Variants in GBF1 observed in about 807,000 individuals in gnomAD.
The protein encoded by GBF1 is Golgi-specific brefeldin A-resistance guanine nucleotide exchange factor 1.
A neutral mutation model predicts 210.5 loss-of-function variants in GBF1; 114 were observed. That is an observed-to-expected ratio of 0.54 (90% confidence interval 0.47 to 0.63). The LOEUF (loss-of-function observed/expected upper bound fraction) is 0.63. GBF1 is among the 30% of genes least tolerant of loss of function. The pLI is 0.00. For missense variants in GBF1, 1,851 were observed against 2,357.7 expected (o/e 0.79, Z 4.45); for synonymous variants, 850 against 889.2 (o/e 0.96, Z 0.78).
chr10:102,370,645 G>A, intron 28 of GBF1, 62 bp from the exon 29 acceptor site: 1 of 1,544,518 alleles, frequency 6.5e-7, no homozygotes, highest in South Asian at 1.1e-5. Flanking sequence ...AAAGGCCTAG[G>A]GGACCTGTTG....
intron 6 of GBF1, 89 bp downstream of exon 6, chr10:102,352,040 A>G (rs2059016645): frequency 2.6e-6 from 2 of 780,242 alleles, no homozygotes; most frequent in Non-Finnish European, 4.6e-6. Flanking sequence ...AGAGATGGAA[A>G]ATTCAGGACT....
At chr10:102,258,441 C>T (rs1282458619) in intron 1 of GBF1, among the ~76,000 whole-genome samples, 1 of 148,472 alleles carries the variant, frequency 6.7e-6, no homozygotes, top group Non-Finnish European at 1.5e-5. Context: ...CAGGCCTGAG[C>T]CACTGCACCT....
rs149000724 is a variant in GBF1, at chr10:102,285,901, T to A, written c.163+25785T>A. On this transcript the variant is annotated intron_variant, in intron 3 of 39. Transcript: ENST00000369983. The stretch of plus-strand genomic sequence containing the variant: ...AAAAAAATTATTTTGCTATTTAATG[T>A]GTTTGCTGTATCTCCTTGAAATATT... Among the ~76,000 whole-genome samples the A allele has an allele frequency of 2.7e-3, 407 of 152,282 alleles. 3 individuals are homozygous for A. Among genetic ancestry groups the A allele is most frequent in the Middle Eastern group, 0.017 (5 of 294 alleles).
chr10:102,378,046 C>T (rs1371381286), intron 33 of GBF1, among the ~76,000 whole-genome samples: 2 of 151,276 alleles, frequency 1.3e-5, no homozygotes, highest in Non-Finnish European at 1.5e-5. Context: ...GGTGAAACCC[C>T]GTCTCTACTA....
rs1207754778 is a variant in GBF1 at position 102,358,561 on chromosome 10, T to C, written c.843T>C (p.Ala281=). Reference sequence around the variant, plus strand: ...CCATCTCCTCTGCAAGTTCAGAAGCTGCCTCAGCAGTGGTCAGTCCCTCTA... The same window carrying C: ...CCATCTCCTCTGCAAGTTCAGAAGCCGCCTCAGCAGTGGTCAGTCCCTCTA... ...PTPISSASSE[A]ASAVVSPSTD... The change falls in exon 10 of 40, where the codon GCT becomes GCC. Residue 281 remains alanine (A), a synonymous_variant. Coordinates refer to ENST00000369983, the MANE Select transcript of GBF1 (RefSeq NM_001377137.1). 1 of 1,614,166 alleles carries C rather than the reference T, an allele frequency of 6.2e-7. No homozygotes were observed. Among genetic ancestry groups the C allele is most frequent in the African/African-American group, 1.3e-5 (1 of 75,066 alleles).
chr10:102,258,774 CAAAA>C (rs74634439), intron 1 of GBF1, among the ~76,000 whole-genome samples, 151 bp from the exon 2 acceptor site: 2 of 79,688 alleles, frequency 2.5e-5, no homozygotes, highest in African/African-American at 4.6e-5. Flanking sequence ...AACTCTGCCT[CAAAA>C]AAAAAAAAAA....
chr10:102,352,584 A>G lies in GBF1; in HGVS notation c.584+66A>G, dbSNP rs1171831811. The stretch of plus-strand genomic sequence containing the variant: ...CTCTTGAGTCTGCCTGCTTCCACAC[A>G]GCCACGTCAGGGACCTGGCCAACCC... On this transcript the variant is annotated intron_variant, in intron 7 of 39. Coordinates refer to ENST00000369983, the MANE Select transcript of GBF1 (RefSeq NM_001377137.1). The G allele has an allele frequency of 1.7e-5, 19 of 1,118,832 alleles. No individual in the cohort carries two copies. The African/African-American group carries it at 2.1e-4, about 13-fold the overall frequency. 69.3% of individuals were successfully genotyped at this position (1,118,832 alleles called of 1,614,324 possible).
chr10:102,330,726 C>T (rs955689646), intron 3 of GBF1, among the ~76,000 whole-genome samples: 2 of 151,878 alleles, frequency 1.3e-5, no homozygotes, highest in African/African-American at 4.8e-5. Flanking sequence ...GTAGCTGTTG[C>T]TGATGTCTGA....
chr10:102,362,773 A>G (rs1340830949), intron 15 of GBF1, 109 bp downstream of exon 15: 12 of 781,854 alleles, frequency 1.5e-5, no homozygotes, highest in Non-Finnish European at 2.5e-5. Flanking sequence ...GATGCTCCCA[A>G]TTCTGTTTCT....
Position 102,376,762 on chromosome 10 carries a change from A to G in GBF1, c.4250A>G (p.Lys1417Arg). 1 of 1,609,780 alleles carries G rather than the reference A, an allele frequency of 6.2e-7. No individual in the cohort carries two copies. The highest frequency in any genetic ancestry group is 8.5e-7 in the Non-Finnish European group (1 of 1,179,990). The change falls in exon 32 of 40, where the codon AAG (lysine) becomes AGG (arginine). Residue 1417 changes from lysine (K) to arginine (R), a missense_variant. Lys to Arg is a conservative substitution (Grantham distance 26). Transcript: ENST00000369983. ...CCTGACAACTTTGAGCTCTGCGTCA[A>G]GACTCTCCGGATCTTTGTGGAGGCC... ...ITPDNFELCV[K>R]TLRIFVEASL...
At chr10:102,302,033 C>T (rs1474392570) in intron 3 of GBF1, among the ~76,000 whole-genome samples, 2 of 152,244 alleles carry the variant, frequency 1.3e-5, no homozygotes, top group African/African-American at 2.4e-5. Flanking sequence ...GAGGCCGAGG[C>T]TGGCAGATCA....
intron 7 of GBF1, 87 bp downstream of exon 7, chr10:102,352,605 A>G (rs1483662747): frequency 1.1e-6 from 1 of 880,408 alleles, no homozygotes; most frequent in African/African-American, 1.6e-5. Context: ...GGACCTGGCC[A>G]ACCCCACAGC....
intron 1 of GBF1, among the ~76,000 whole-genome samples, chr10:102,255,655 A>G (rs2072244012): frequency 6.6e-6 from 1 of 152,210 alleles, no homozygotes; most frequent in Non-Finnish European, 1.5e-5. Context: ...TCTTGCCTAC[A>G]TAATTTAAGG....
chr10:102,256,638 G>C (rs1015804477), intron 1 of GBF1, among the ~76,000 whole-genome samples: 1 of 151,278 alleles, frequency 6.6e-6, no homozygotes, highest in African/African-American at 2.4e-5. Context: ...TTCTGCCTCA[G>C]CCACTCGAGT....
intron 3 of GBF1, among the ~76,000 whole-genome samples, chr10:102,303,596 A>G (rs2077586620): frequency 6.6e-6 from 1 of 152,240 alleles, no homozygotes; most frequent in African/African-American, 2.4e-5. Flanking sequence ...GAGTGAGAAC[A>G]GGTTAAGGAT....
chr10:102,301,016 G>C (rs2077299144), intron 3 of GBF1, among the ~76,000 whole-genome samples: 1 of 149,826 alleles, frequency 6.7e-6, no homozygotes, highest in South Asian at 2.1e-4. Context: ...TCATTCTTGG[G>C]TGTTTCTCGC....
intron 3 of GBF1, among the ~76,000 whole-genome samples, chr10:102,296,584 A>G (rs996819189): frequency 1.6e-4 from 24 of 152,152 alleles, no homozygotes; most frequent in Non-Finnish European, 3.4e-4. Flanking sequence ...CTCTACTAAA[A>G]AGACAAAATT....
rs1214573845 is a variant in GBF1 at position 102,368,253 on chromosome 10, G to T, written c.2678G>T (p.Gly893Val). Residue 893 changes from glycine (G) to valine (V), a missense_variant, in exon 22 of 40, where the codon GGC becomes GTC. Physicochemically the swap from Gly to Val is moderately radical, Grantham distance 109. Around this residue, in one of 3 missense-constraint regions of GBF1, gnomAD observed 967 missense variants for 1,247.7 expected, o/e 0.78. Coordinates refer to ENST00000369983, the MANE Select transcript of GBF1 (RefSeq NM_001377137.1). ...ATTGTAATGCCTGAGGAGCAGACAG[G>T]CTTGGTTCGGGAGAACTATGTGTGG... is the stretch of plus-strand genomic sequence containing the variant. ...EEIVMPEEQTGLVRENYVWNV... is the reference protein window; with the variant it reads ...EEIVMPEEQTVLVRENYVWNV... The T allele has an allele frequency of 6.2e-7, 1 of 1,613,884 alleles. No individual in the cohort carries two copies. Among genetic ancestry groups the T allele is most frequent in the Non-Finnish European group, 8.5e-7 (1 of 1,179,886 alleles).
At chr10:102,305,885 T>A (rs968594749) in intron 3 of GBF1, among the ~76,000 whole-genome samples, 1 of 152,196 alleles carries the variant, frequency 6.6e-6, no homozygotes, top group Non-Finnish European at 1.5e-5. Flanking sequence ...TGAAGTACTG[T>A]TCTGGGCAGG....
Sources: allele counts gnomAD v4.1 joint callset (sites outside exome capture counted in the v4.1 genomes callset), GRCh38; gene constraint gnomAD v4.1.1; regional missense constraint gnomAD v4.1.1; transcripts MANE v1.5; gene names NCBI Gene and HGNC (gene_info 2026-07-23, HGNC 2026-07-21).